RARB: variants seen among roughly 807,000 people sequenced by gnomAD.
The protein encoded by RARB is HBV-activated protein.
Under a neutral mutation model 51.9 loss-of-function variants are expected in RARB, and 17 were observed. The ratio of observed to expected loss-of-function variants is 0.33; its 90% CI spans 0.22 to 0.49. RARB has a LOEUF of 0.49. RARB is among the 20% of genes least tolerant of loss of function. The pLI, the probability that RARB is intolerant of heterozygous loss-of-function variation, is 0.99. For synonymous variants in RARB, 215 were observed against 195.4 expected (o/e 1.10, Z -0.84); for missense variants, 369 against 550.8 (o/e 0.67, Z 3.30).
intron 3 of RARB, among the ~76,000 whole-genome samples, chr3:25,078,608 C>T (rs1698923672): frequency 6.6e-6 from 1 of 151,028 alleles, no homozygotes. Context: ...ATAATCTCAG[C>T]TCATCACAAC....
chr3:25,524,390 A>T (rs1219205370), intron 3 of RARB, among the ~76,000 whole-genome samples: 1 of 152,198 alleles, frequency 6.6e-6, no homozygotes, highest in Non-Finnish European at 1.5e-5. Context: ...AATAAGATGT[A>T]AAGGATAATT....
intron 1 of RARB, among the ~76,000 whole-genome samples, chr3:24,841,411 A>G (rs1363476724): frequency 1.3e-5 from 2 of 152,248 alleles, no homozygotes; most frequent in African/African-American, 4.8e-5. Context: ...CCATTACTCA[A>G]ACTGCTGCAG....
Position 25,461,219 on chromosome 3 carries a change from G to A in RARB, c.184G>A (p.Glu62Lys), listed in dbSNP as rs1340931941. The A allele has an allele frequency of 6.2e-7, 1 of 1,613,568 alleles. No homozygotes were observed. Among genetic ancestry groups the A allele is most frequent in the Non-Finnish European group, 8.5e-7 (1 of 1,179,894 alleles). The change falls in exon 2 of 8, where the codon GAG (glutamate) becomes AAG (lysine). Residue 62 changes from glutamate (E) to lysine (K), a missense_variant. Coordinates refer to ENST00000330688, the MANE Select transcript of RARB (RefSeq NM_000965.5). ...QSIETQSTSSEELVPSPPSPL... is the reference protein window; with the variant it reads ...QSIETQSTSSKELVPSPPSPL... ...AATTGAAACACAGAGCACCAGCTCTGAGGAACTCGTCCCAAGCCCCCCATC... is the reference window on the plus strand; with the variant it reads ...AATTGAAACACAGAGCACCAGCTCTAAGGAACTCGTCCCAAGCCCCCCATC...
At chr3:25,239,879 G>A (rs1262647077) in intron 5 of RARB, among the ~76,000 whole-genome samples, 4 of 152,054 alleles carry the variant, frequency 2.6e-5, no homozygotes, top group Admixed American at 6.6e-5. Context: ...GTTGCTTTGG[G>A]TAGTATCTTC....
At chr3:25,050,644 A>G (rs538450250) in intron 2 of RARB, among the ~76,000 whole-genome samples, 52 of 152,256 alleles carry the variant, frequency 3.4e-4, no homozygotes, top group African/African-American at 1.2e-3. Context: ...CAATATTTCC[A>G]AATTCCTTGT....
intron 2 of RARB, among the ~76,000 whole-genome samples, chr3:25,043,662 A>G (rs1485198892): frequency 1.3e-5 from 2 of 152,182 alleles, no homozygotes; most frequent in Admixed American, 6.5e-5. Context: ...TACTATTTAT[A>G]ATTATATCAA....
intron 2 of RARB, among the ~76,000 whole-genome samples, chr3:25,489,183 A>C (rs1696607245): frequency 6.6e-6 from 1 of 152,248 alleles, no homozygotes. Context: ...GTTGTTTAAA[A>C]GAACTTTTTC....
At chr3:25,412,714 A>G (rs1466414838) in intron 5 of RARB, among the ~76,000 whole-genome samples, 2 of 152,248 alleles carry the variant, frequency 1.3e-5, no homozygotes, top group Non-Finnish European at 2.9e-5. Context: ...CAGCACTCAG[A>G]TCGAGAAAAA....
At chr3:25,573,041 C>T (rs1286738) in intron 4 of RARB, among the ~76,000 whole-genome samples, 35,017 of 151,954 alleles carry the variant, frequency 0.23, 4,211 homozygotes, top group African/African-American at 0.28. Flanking sequence ...CACTGATGAG[C>T]AGAACGTGGA....
chr3:24,959,748 C>G (rs1696098714), intron 2 of RARB, among the ~76,000 whole-genome samples: 1 of 151,910 alleles, frequency 6.6e-6, no homozygotes, highest in Non-Finnish European at 1.5e-5. Flanking sequence ...CCTTGATGTT[C>G]CACAAAAAAG....
At chr3:25,024,178 C>G (rs1270939237) in intron 2 of RARB, among the ~76,000 whole-genome samples, 1 of 152,160 alleles carries the variant, frequency 6.6e-6, no homozygotes, top group East Asian at 1.9e-4. Context: ...CACATAGAAA[C>G]TCATAAGACT....
At chr3:25,094,398 A>G (rs1681337047) in intron 3 of RARB, among the ~76,000 whole-genome samples, 1 of 152,132 alleles carries the variant, frequency 6.6e-6, no homozygotes, top group African/African-American at 2.4e-5. Flanking sequence ...CCCATGAAGA[A>G]GGTAATATCA....
At chr3:25,367,705 A>G (rs1263756543) in intron 5 of RARB, among the ~76,000 whole-genome samples, 5 of 151,010 alleles carry the variant, frequency 3.3e-5, no homozygotes, top group African/African-American at 1.2e-4. Context: ...GTGCATCTGC[A>G]GTCTCAGCTA....
At chr3:25,234,822 A>G (rs1438731305) in intron 5 of RARB, among the ~76,000 whole-genome samples, 1 of 152,168 alleles carries the variant, frequency 6.6e-6, no homozygotes, top group Non-Finnish European at 1.5e-5. Flanking sequence ...CACACTCTTC[A>G]GCCCACAGGG....
chr3:25,388,785 C>A lies in RARB; in HGVS notation c.179-72408C>A, dbSNP rs1445328913. On this transcript the variant is annotated intron_variant, in intron 5 of 11. Coordinates refer to the RARB transcript ENST00000383772. The stretch of plus-strand genomic sequence containing the variant: ...AAACAATGATGGTGTTGTAAATGTT[C>A]ACAAGTGTGTGGGGTAGGTAGGAAG... Among the ~76,000 whole-genome samples, 3 of 151,986 alleles carry A rather than the reference C, an allele frequency of 2.0e-5. No homozygotes were observed. In the East Asian group the frequency reaches 5.8e-4, roughly 29 times the overall value.
intron 5 of RARB, among the ~76,000 whole-genome samples, chr3:25,270,336 T>C (rs971684184): frequency 6.6e-6 from 1 of 152,132 alleles, no homozygotes; most frequent in Non-Finnish European, 1.5e-5. Context: ...TACTACAATA[T>C]GGTTGAACCT....
At chr3:25,123,543 G>C (rs1405749496) in intron 3 of RARB, among the ~76,000 whole-genome samples, 1 of 152,172 alleles carries the variant, frequency 6.6e-6, no homozygotes, top group African/African-American at 2.4e-5. Flanking sequence ...TCCCCTGTGG[G>C]AGAAAAGCAA....
chr3:25,340,199 A>G (rs1387370772), intron 5 of RARB, among the ~76,000 whole-genome samples: 3 of 152,260 alleles, frequency 2.0e-5, no homozygotes, highest in East Asian at 1.9e-4. Context: ...GGCTGACTAC[A>G]AAGGACTCTG....
At chr3:24,979,853 A>C (rs554391957) in intron 2 of RARB, among the ~76,000 whole-genome samples, 358 of 152,236 alleles carry the variant, frequency 2.4e-3, no homozygotes, top group Admixed American at 4.0e-3. Flanking sequence ...TAATTGATGC[A>C]GTTTCTTCAT....
Sources: gnomAD v4.1 joint callset for allele counts (sites outside exome capture counted in the v4.1 genomes callset) on GRCh38, gnomAD v4.1.1 for gene constraint, MANE v1.5 for transcripts, NCBI Gene and HGNC (gene_info 2026-07-23, HGNC 2026-07-21) for gene names.